The following HEATR6 variants were observed in gnomAD, a reference collection of about 807,000 sequenced individuals.
HEATR6 encodes the protein HEAT repeat-containing protein 6.
HEATR6 carries 106 observed loss-of-function variants against 132.8 expected under a neutral mutation model. That is an observed-to-expected ratio of 0.80 (90% CI 0.68 to 0.94). HEATR6 has a LOEUF of 0.94. Ranked by LOEUF, HEATR6 falls within the 40% of genes least tolerant of loss-of-function variation. The pLI is 0.00. For missense variants in HEATR6, 1,339 were observed against 1,425.1 expected (o/e 0.94, Z 0.97); for synonymous variants, 529 against 537.8 (o/e 0.98, Z 0.23).
chr17:60,068,370 C>T (rs74726602), intron 7 of HEATR6, among the ~76,000 whole-genome samples: 1,658 of 151,828 alleles, frequency 0.011, 22 homozygotes, highest in African/African-American at 0.036. Context: ...TCTTCCTCCA[C>T]GTTCTCAAAG....
Position 60,044,009 on chromosome 17 carries a change from C to T in HEATR6, c.3100G>A (p.Gly1034Arg), listed in dbSNP as rs929621968. The T allele has an allele frequency of 8.7e-6, 14 of 1,614,160 alleles. No individual in the cohort carries two copies. Among genetic ancestry groups the T allele is most frequent in the Admixed American group, 6.7e-5 (4 of 60,024 alleles). The stretch of plus-strand genomic sequence containing the variant: ...ATCCGAGCATACTGGTCAACAGACC[C>T]GTACTGCTCTCTCTTCCCCGGGACG... ...LSVPGKREQY[G>R]SVDQYARIWN... is the part of the protein sequence containing the mutation. Residue 1034 changes from glycine (G) to arginine (R), a missense_variant, in exon 20 of 20, where the codon GGG becomes AGG. By Grantham distance (125) the Gly-to-Arg change is moderately radical. Coordinates refer to ENST00000184956, the MANE Select transcript of HEATR6 (RefSeq NM_022070.5).
rs765186741 is a variant in HEATR6, at chr17:60,056,163, G to A, written c.2154C>T (p.Cys718=). The A allele has an allele frequency of 8.1e-6, 13 of 1,613,962 alleles. No individual in the cohort carries two copies. The African/African-American group carries it at 1.2e-4, about 15-fold the overall frequency. The change falls in exon 13 of 20, where the codon TGC becomes TGT. Residue 718 remains cysteine (C), a synonymous_variant. Coordinates refer to ENST00000184956, the MANE Select transcript of HEATR6 (RefSeq NM_022070.5). ...ATGGATCTGCTTCCCCCATGCACTT[G>A]CAAATCACCTCTCCAAGCTCCATCA... ...AYLMELGEVI[C]KCMGEADPSI...
In HEATR6 at chr17:60,066,355, A is replaced by G; in HGVS notation, c.1270T>C (p.Leu424=). Residue 424 remains leucine, a synonymous_variant, in exon 9 of 20, where the codon TTA becomes CTA. Coordinates refer to ENST00000184956, the MANE Select transcript of HEATR6 (RefSeq NM_022070.5). ...SYQAKVRQGA[L]VCFLSTIKSI... ...TTTATAGTAGAAAGAAAACAAACTA[A>G]GGCTCCTTGGCGAACTTTAGCTTGG... 6.2e-7 allele frequency: 1 copy of G among 1,612,422 alleles called. No individual in the cohort carries two copies. Among genetic ancestry groups the G allele is most frequent in the Middle Eastern group, 1.7e-4 (1 of 6,058 alleles).
chr17:60,061,345 T>C (rs886756186), intron 9 of HEATR6, among the ~76,000 whole-genome samples: 1 of 152,172 alleles, frequency 6.6e-6, no homozygotes, highest in Non-Finnish European at 1.5e-5. Context: ...AAATTTGAAG[T>C]ACAGTAGCAT....
intron 9 of HEATR6, among the ~76,000 whole-genome samples, chr17:60,065,495 G>A (rs1252245725): frequency 1.3e-5 from 2 of 152,150 alleles, no homozygotes; most frequent in Non-Finnish European, 2.9e-5. Context: ...ACTTTTTAAT[G>A]TTCATTATTG....
intron 17 of HEATR6, among the ~76,000 whole-genome samples, chr17:60,048,028 T>C (rs985792704): frequency 6.6e-6 from 1 of 152,210 alleles, no homozygotes; most frequent in Non-Finnish European, 1.5e-5. Flanking sequence ...GTAGACATAT[T>C]ACTTATATCG....
Position 60,070,712 on chromosome 17 carries a change from C to T in HEATR6, c.795G>A (p.Val265=), listed in dbSNP as rs570023213. The stretch of plus-strand genomic sequence containing the variant: ...ATATGAAGACTTGCCTTACCTTTAG[C>T]ACAGCTAAAAGTGCTCCAAGTTCAT... ...QTDELGALLA[V]LKKFMFHGLP... Residue 265 remains valine (V), a synonymous_variant, in exon 6 of 20, where the codon GTG becomes GTA. Transcript: ENST00000184956. 1.9e-6 allele frequency: 3 copies of T among 1,582,596 alleles called. No homozygotes were observed. The highest frequency in any genetic ancestry group is 1.7e-5 in the Admixed American group (1 of 59,910).
chr17:60,042,271 G>A lies in HEATR6; in HGVS notation c.*1292C>T, dbSNP rs1402427168. Among the ~76,000 whole-genome samples the A allele has an allele frequency of 6.6e-6, 1 of 152,240 alleles. No individual in the cohort carries two copies. The highest frequency in any genetic ancestry group is 1.5e-5 in the Non-Finnish European group (1 of 68,038). ...TGGTTATTGGATTGTGGGGAGGTGT[G>A]GCAGGGAAGGTGGTCAGGGGAACAC... On this transcript the variant is annotated 3_prime_UTR_variant, in exon 20 of 20. Coordinates refer to ENST00000184956, the MANE Select transcript of HEATR6 (RefSeq NM_022070.5).
chr17:60,074,186 C>T, intron 2 of HEATR6: 1 of 1,032,072 alleles, frequency 9.7e-7, no homozygotes, highest in Non-Finnish European at 1.2e-6. Context: ...ATGAGTATTT[C>T]AACGCACTGA....
rs1008104866 is a variant in HEATR6 at position 60,045,965 on chromosome 17, C to T, written c.2974+60G>A. On this transcript the variant is annotated intron_variant, in intron 19 of 19. Transcript: ENST00000184956. ...ATGTGACAAACATCTTTAACAACAA[C>T]GTAGATTGGTGTGTGTCCCAAGAGG... 1.0e-4 allele frequency: 126 copies of T among 1,200,400 alleles called. No homozygotes were observed. In the South Asian group the frequency reaches 1.3e-3, roughly 12 times the overall value. 74.4% of individuals were successfully genotyped at this position (1,200,400 alleles called of 1,614,324 possible).
chr17:60,058,279 T>C (rs1906819207), intron 11 of HEATR6, among the ~76,000 whole-genome samples: 1 of 152,220 alleles, frequency 6.6e-6, no homozygotes, highest in South Asian at 2.1e-4. Context: ...TAGTTCTTTA[T>C]TTGATCAGAG....
In HEATR6 at chr17:60,073,252, C is replaced by T. The variant is rs138344355; in HGVS notation, c.496G>A (p.Gly166Arg). Reference sequence around the variant, plus strand: ...AAGTCACTCAACTTCATTAAGAGTCCGGTGTTGCCTAGCAGCTCTGGGAGG... The same window carrying T: ...AAGTCACTCAACTTCATTAAGAGTCTGGTGTTGCCTAGCAGCTCTGGGAGG... ...KYLPELLGNT[G>R]LLMKLSDLAQ... The change falls in exon 4 of 20, where the codon GGA (glycine) becomes AGA (arginine). Residue 166 changes from glycine (G) to arginine (R), a missense_variant. By Grantham distance (125) the Gly-to-Arg change is moderately radical. Coordinates refer to ENST00000184956, the MANE Select transcript of HEATR6 (RefSeq NM_022070.5). The T allele has an allele frequency of 9.3e-6, 15 of 1,612,696 alleles. No individual in the cohort carries two copies. Among genetic ancestry groups the T allele is most frequent in the South Asian group, 8.8e-5 (8 of 91,046 alleles).
At chr17:60,056,743 A>G (rs748258967) in intron 12 of HEATR6, among the ~76,000 whole-genome samples, 2 of 151,880 alleles carry the variant, frequency 1.3e-5, no homozygotes, top group Non-Finnish European at 2.9e-5. Context: ...AAAAATCAAA[A>G]ATTAACTGTA....
chr17:60,043,942 G>C lies in HEATR6; in HGVS notation c.3167C>G (p.Thr1056Ser), dbSNP rs755084925. The C allele has an allele frequency of 5.0e-6, 8 of 1,614,096 alleles. No individual in the cohort carries two copies. Among genetic ancestry groups the C allele is most frequent in the Non-Finnish European group, 6.8e-6 (8 of 1,180,018 alleles). The stretch of plus-strand genomic sequence containing the variant: ...GTACTTGAATTCCAAAAAGTCTATG[G>C]TGTCTTCACTCTTCTGTAAAGCGGT... ...LVTALQKSED[T>S]IDFLEFKYCV... The change falls in exon 20 of 20, where the codon ACC becomes AGC. Residue 1056 changes from threonine to serine, a missense_variant. Transcript: ENST00000184956.
intron 2 of HEATR6, 69 bp downstream of exon 2, chr17:60,076,061 A>C: frequency 1.1e-6 from 1 of 887,340 alleles, no homozygotes; most frequent in Non-Finnish European, 1.9e-6. Context: ...CTACAGATGT[A>C]GTATTTCAAA....
At chr17:60,055,338 T>C (rs1837554281) in intron 14 of HEATR6, among the ~76,000 whole-genome samples, 177 bp downstream of exon 14, 1 of 152,206 alleles carries the variant, frequency 6.6e-6, no homozygotes, top group African/African-American at 2.4e-5. Flanking sequence ...AAACTGCAAA[T>C]AAACTGAAAT....
Position 60,048,376 on chromosome 17 carries a change from CA to C in HEATR6, c.2559del (p.Phe853LeufsTer10). ...AATATTGCATTTGCTGCGTCTGCAA[CA>C]AATATGACATCCTGTAACACAAAAC... ...LFPCLRQDVI[F>X]VADAANAILM... is the part of the protein sequence containing the mutation. On this transcript the variant is annotated frameshift_variant, in exon 17 of 20. Coordinates refer to ENST00000184956, the MANE Select transcript of HEATR6 (RefSeq NM_022070.5). LOFTEE classifies it high-confidence loss of function. 1 of 1,611,664 alleles carries C rather than the reference CA, an allele frequency of 6.2e-7. No homozygotes were observed. Among genetic ancestry groups the C allele is most frequent in the Non-Finnish European group, 8.5e-7 (1 of 1,178,270 alleles).
At position 60,073,746 on chromosome 17, in the gene HEATR6, C is replaced by G. The variant is rs1275073145; in HGVS notation, c.468G>C (p.Lys156Asn). 2.5e-6 allele frequency: 4 copies of G among 1,613,410 alleles called. No individual in the cohort carries two copies. Among genetic ancestry groups the G allele is most frequent in the East Asian group, 2.2e-5 (1 of 44,894 alleles). Residue 156 changes from lysine (K) to asparagine (N), a missense_variant and splice_region_variant, in exon 3 of 20, where the codon AAG becomes AAC. Transcript: ENST00000184956. Reference sequence around the variant, plus strand: ...GGAAGGATAAAGCACTTTAAACTACCTTTTGACATTTGGAGCCATTGCAGT... The same window carrying G: ...GGAAGGATAAAGCACTTTAAACTACGTTTTGACATTTGGAGCCATTGCAGT... ...LVYCNGSKCQ[K>N]YLPELLGNTG...
chr17:60,057,091 C>G lies in HEATR6; in HGVS notation c.2036G>C (p.Gly679Ala). The G allele has an allele frequency of 5.0e-6, 8 of 1,613,156 alleles. No individual in the cohort carries two copies. The highest frequency in any genetic ancestry group is 6.8e-6 in the Non-Finnish European group (8 of 1,179,410). The change falls in exon 12 of 20, where the codon GGA (glycine) becomes GCA (alanine). Residue 679 changes from glycine to alanine, a missense_variant. By Grantham distance (60) the Gly-to-Ala change is moderately conservative (BLOSUM62 0). Transcript: ENST00000184956. ...CATGGGGGATGGTTCGTAGGTGCTT[C>G]CTGCTGCAGAGCCAGCATCGCTACC... is the stretch of plus-strand genomic sequence containing the variant. ...CSGSDAGSAAGSTYEPSPMRL... is the reference protein window; with the variant it reads ...CSGSDAGSAAASTYEPSPMRL...
Sources: allele counts gnomAD v4.1 joint callset (sites outside exome capture counted in the v4.1 genomes callset), GRCh38; gene constraint gnomAD v4.1.1; transcripts MANE v1.5; gene names NCBI Gene and HGNC (gene_info 2026-07-23, HGNC 2026-07-21).